DCDC1: variants seen among roughly 807,000 people sequenced by gnomAD.
DCDC1 encodes doublecortin domain containing 1, also known as doublecortin domain-containing protein 1.
Under a neutral mutation model 178.3 loss-of-function variants are expected in DCDC1, and 200 were observed. The ratio of observed to expected loss-of-function variants is 1.12; its 90% CI spans 1.00 to 1.26. DCDC1 has a LOEUF of 1.26. Ranked by LOEUF, DCDC1 falls within the 50% of genes most tolerant of loss-of-function variation. The pLI is 0.00. For missense variants in DCDC1, 1,983 were observed against 1,749.2 expected (o/e 1.13, Z -2.38); for synonymous variants, 690 against 604.8 (o/e 1.14, Z -2.07).
At chr11:31,139,748 C>T (rs930739299) in intron 9 of DCDC1, among the ~76,000 whole-genome samples, 5 of 151,674 alleles carry the variant, frequency 3.3e-5, no homozygotes, top group African/African-American at 1.2e-4. Context: ...CCTTTGAAAG[C>T]ACCACAGTTG....
At chr11:31,055,910 C>T (rs184940004) in intron 20 of DCDC1, among the ~76,000 whole-genome samples, 3 of 152,084 alleles carry the variant, frequency 2.0e-5, no homozygotes, top group Non-Finnish European at 2.9e-5. Flanking sequence ...GTACACTGCT[C>T]GCGTGATGGG....
At chr11:30,916,062 G>C (rs181062137) in intron 26 of DCDC1, among the ~76,000 whole-genome samples, 4 of 152,216 alleles carry the variant, frequency 2.6e-5, no homozygotes, top group Admixed American at 2.6e-4. Context: ...GGGGCATGTA[G>C]AATAAAAACA....
At chr11:31,172,824 A>G (rs1434417106) in intron 9 of DCDC1, among the ~76,000 whole-genome samples, 1 of 152,150 alleles carries the variant, frequency 6.6e-6, no homozygotes, top group African/African-American at 2.4e-5. Flanking sequence ...CATCTTGTTA[A>G]TTTAGGAATG....
intron 20 of DCDC1, among the ~76,000 whole-genome samples, chr11:31,035,724 C>T (rs1043746878): frequency 1.3e-5 from 2 of 152,226 alleles, no homozygotes; most frequent in South Asian, 4.1e-4. Flanking sequence ...AAATGTCTTG[C>T]TTTTCCTTAA....
intron 9 of DCDC1, among the ~76,000 whole-genome samples, chr11:31,197,251 T>G (rs1262128759): frequency 1.3e-5 from 2 of 152,110 alleles, no homozygotes; most frequent in African/African-American, 4.8e-5. Flanking sequence ...AAAAAGTCCA[T>G]AAAATATACT....
chr11:31,165,728 C>A (rs1966726717), intron 9 of DCDC1, among the ~76,000 whole-genome samples: 2 of 152,104 alleles, frequency 1.3e-5, no homozygotes, highest in Non-Finnish European at 2.9e-5. Flanking sequence ...ATATTAAGGG[C>A]ATTATCCCCT....
At chr11:31,138,098 TAA>T (rs5790851) in intron 9 of DCDC1, among the ~76,000 whole-genome samples, 2 of 151,742 alleles carry the variant, frequency 1.3e-5, no homozygotes, top group South Asian at 2.1e-4. Context: ...AGCAACTTTT[TAA>T]AAAAAAATTA....
At position 30,886,541 on chromosome 11, in the gene DCDC1, T is replaced by TA. The variant is rs200252372; in HGVS notation, c.5083-5234_5083-5233insT. On this transcript the variant is annotated intron_variant, in intron 36 of 38. Coordinates refer to ENST00000684477, the MANE Select transcript of DCDC1 (RefSeq NM_001387274.1). Reference sequence around the variant, plus strand: ...ATTTTCTAACTTGTAGACAGCCATCTCCTTGTTGTGTCCTGATATGGCAGA... The same window carrying TA: ...ATTTTCTAACTTGTAGACAGCCATCTACCTTGTTGTGTCCTGATATGGCAGA... Among the ~76,000 whole-genome samples, 672 of 152,280 alleles carry TA rather than the reference T, an allele frequency of 4.4e-3. 2 individuals carry two copies. Among genetic ancestry groups the TA allele is most frequent in the African/African-American group, 0.016 (652 of 41,558 alleles).
intron 20 of DCDC1, among the ~76,000 whole-genome samples, chr11:30,986,436 G>T (rs1326380256): frequency 6.6e-6 from 1 of 151,268 alleles, no homozygotes; most frequent in Non-Finnish European, 1.5e-5. Context: ...GGGTTCAAGT[G>T]ATTCTCCTGC....
rs75571885 is a variant in DCDC1, at chr11:31,028,436, C to T, written c.2591+36033G>A. ...CTCACTATGCACTCCCTATCAAATA[C>T]GCTAACTAGAGTTACTGATGCCCTG... On this transcript the variant is annotated intron_variant, in intron 20 of 38. Coordinates refer to ENST00000684477, the MANE Select transcript of DCDC1 (RefSeq NM_001387274.1). 5.9e-3 allele frequency among the ~76,000 whole-genome samples: 899 copies of T among 152,018 alleles called. 5 individuals carry two copies. The highest frequency in any genetic ancestry group is 0.02 in the African/African-American group (845 of 41,532).
At chr11:31,151,497 C>T (rs1189546206) in intron 9 of DCDC1, among the ~76,000 whole-genome samples, 1 of 152,124 alleles carries the variant, frequency 6.6e-6, no homozygotes, top group Non-Finnish European at 1.5e-5. Flanking sequence ...TGAAACTTAC[C>T]TAACCTCTAC....
At chr11:31,361,235 C>T (rs900497375) in intron 1 of DCDC1, among the ~76,000 whole-genome samples, 3 of 151,934 alleles carry the variant, frequency 2.0e-5, no homozygotes, top group Non-Finnish European at 2.9e-5. Flanking sequence ...GATTTATAAT[C>T]ATATTACCTT....
intron 9 of DCDC1, among the ~76,000 whole-genome samples, chr11:31,190,504 T>C (rs1970011266): frequency 6.6e-6 from 1 of 152,152 alleles, no homozygotes; most frequent in Non-Finnish European, 1.5e-5. Flanking sequence ...AATGGGCATT[T>C]AGGTTGTTTC....
chr11:31,177,302 A>T (rs910293082), intron 9 of DCDC1, among the ~76,000 whole-genome samples: 5 of 152,132 alleles, frequency 3.3e-5, no homozygotes, highest in Non-Finnish European at 7.4e-5. Context: ...AAATGGACAA[A>T]TAAGAAAGTA....
chr11:31,261,779 G>C (rs980561094), intron 8 of DCDC1, among the ~76,000 whole-genome samples: 1 of 152,150 alleles, frequency 6.6e-6, no homozygotes, highest in Non-Finnish European at 1.5e-5. Flanking sequence ...TATGGCATTT[G>C]TACACAGTAG....
At chr11:31,219,476 C>T (rs1039315060) in intron 9 of DCDC1, among the ~76,000 whole-genome samples, 1 of 152,052 alleles carries the variant, frequency 6.6e-6, no homozygotes, top group African/African-American at 2.4e-5. Context: ...TGCTGTCAGG[C>T]TTAGAAACCC....
chr11:31,256,278 T>A (rs1384068602), intron 8 of DCDC1, among the ~76,000 whole-genome samples: 2 of 152,284 alleles, frequency 1.3e-5, no homozygotes, highest in East Asian at 3.9e-4. Flanking sequence ...CTGCAAGTAG[T>A]TTGCAAGGTT....
At position 30,911,370 on chromosome 11, in the gene DCDC1, G is replaced by C. The variant is rs147832341; in HGVS notation, c.3704C>G (p.Thr1235Ser). Reference protein sequence around the residue: ...NPDLVLAVSMTKTRNEVCGYP... With the variant: ...NPDLVLAVSMSKTRNEVCGYP... ...GCCACAAACTTCATTTCTAGTCTTG[G>C]TCATAGACACTGCCAGCACAAGGTC... Residue 1235 changes from threonine (T) to serine (S), a missense_variant, in exon 28 of 39, where the codon ACC becomes AGC. Coordinates refer to ENST00000684477, the MANE Select transcript of DCDC1 (RefSeq NM_001387274.1). 450 of 1,605,884 alleles carry C rather than the reference G, an allele frequency of 2.8e-4. 1 individual carries two copies. The highest frequency in any genetic ancestry group is 3.7e-4 in the Non-Finnish European group (430 of 1,176,186).
At chr11:31,094,246 C>A in intron 15 of DCDC1, 62 bp from the exon 16 acceptor site, 1 of 738,866 alleles carries the variant, frequency 1.4e-6, no homozygotes, top group Non-Finnish European at 2.5e-6. Context: ...CTCCTCAACA[C>A]ACTTACCCAA....
Sources: gnomAD v4.1 joint callset for allele counts (sites outside exome capture counted in the v4.1 genomes callset) on GRCh38, gnomAD v4.1.1 for gene constraint, MANE v1.5 for transcripts, NCBI Gene and HGNC (gene_info 2026-07-23, HGNC 2026-07-21) for gene names.